Variants in DCC observed in about 807,000 individuals in gnomAD.
The protein encoded by DCC is netrin receptor DCC.
In DCC, 58 loss-of-function variants were observed where a neutral mutation model predicts 172.5. The observed-to-expected ratio is 0.34, with a 90% CI of 0.27 to 0.42. The LOEUF (loss-of-function observed/expected upper bound fraction) is 0.42, where lower values mean the gene tolerates loss of function less well. DCC is among the 10% of genes least tolerant of loss of function. The pLI, the probability that DCC is intolerant of heterozygous loss-of-function variation, is 1.00. For missense variants in DCC, 1,740 were observed against 1,791.0 expected, an observed-to-expected ratio of 0.97 and a Z score of 0.51; for synonymous variants, 709 against 644.5, an observed-to-expected ratio of 1.10 and a Z score of -1.52.
intron 9 of DCC, among the ~76,000 whole-genome samples, chr18:53,185,584 G>C (rs1302663151): frequency 2.6e-5 from 4 of 152,090 alleles, no homozygotes; most frequent in African/African-American, 9.7e-5. Flanking sequence ...TCTCTCTTGT[G>C]AGCCACATCT....
chr18:53,030,524 C>T (rs1266972617), intron 5 of DCC, among the ~76,000 whole-genome samples: 1 of 152,028 alleles, frequency 6.6e-6, no homozygotes, highest in Non-Finnish European at 1.5e-5. Flanking sequence ...ATGTTCACTA[C>T]TAATTTATGA....
chr18:53,262,017 G>A (rs1044830329), intron 12 of DCC, among the ~76,000 whole-genome samples: 1 of 152,148 alleles, frequency 6.6e-6, no homozygotes, highest in African/African-American at 2.4e-5. Flanking sequence ...CAGAAAAGAG[G>A]GGAACAATTG....
chr18:53,120,513 ATTTAAG>A (rs1432963942), intron 7 of DCC, among the ~76,000 whole-genome samples: 1 of 151,850 alleles, frequency 6.6e-6, no homozygotes, highest in Non-Finnish European at 1.5e-5. Flanking sequence ...ACATAATGCA[ATTTAAG>A]TTTATGTTCT....
intron 1 of DCC, among the ~76,000 whole-genome samples, chr18:52,387,456 C>T (rs1598774673): frequency 1.3e-5 from 2 of 152,114 alleles, no homozygotes; most frequent in South Asian, 4.1e-4. Context: ...GCAGCAATCT[C>T]CTTCTGCAAG....
intron 1 of DCC, among the ~76,000 whole-genome samples, chr18:52,602,422 T>TGTGTGTGTGTGTGA (rs944835362): frequency 7.2e-5 from 11 of 151,940 alleles, no homozygotes; most frequent in Middle Eastern, 3.4e-3. Flanking sequence ...TGTGTGTGTG[T>TGTGTGTGTGTGTGA]GATTCAACTT....
chr18:53,531,084 A>G lies in DCC; in HGVS notation c.*431A>G, dbSNP rs868506012. The G allele has an allele frequency of 4.4e-6, 1 of 225,968 alleles. No individual in the cohort carries two copies. 14.0% of individuals were successfully genotyped at this position (225,968 alleles called of 1,614,324 possible). On this transcript the variant is annotated 3_prime_UTR_variant, in exon 29 of 29. Coordinates refer to ENST00000442544, the MANE Select transcript of DCC (RefSeq NM_005215.4). ...CATGGCAAACCAGTGCAAGCTCACTATTTTGTTTTCAACTTAAACATACAA... is the reference window on the plus strand; with the variant it reads ...CATGGCAAACCAGTGCAAGCTCACTGTTTTGTTTTCAACTTAAACATACAA...
chr18:52,773,908 CA>C (rs1250780006), intron 2 of DCC, among the ~76,000 whole-genome samples: 3 of 152,080 alleles, frequency 2.0e-5, no homozygotes, highest in African/African-American at 7.2e-5. Context: ...AAATCAGATA[CA>C]GGGGGAAGAC....
chr18:52,858,247 T>G lies in DCC; in HGVS notation c.413-47797T>G, dbSNP rs923949074. ...AAATGGAGTATTGCTTTCTCAAGCC[T>G]CAAAGAAATTCTTGAAATGGTATTA... On this transcript the variant is annotated intron_variant, in intron 2 of 28. Transcript: ENST00000442544. Among the ~76,000 whole-genome samples, 2 of 152,174 alleles carry G rather than the reference T, an allele frequency of 1.3e-5. 1 individual carries two copies. Among genetic ancestry groups the G allele is most frequent in the African/African-American group, 4.8e-5 (2 of 41,452 alleles).
chr18:53,230,963 C>G (rs1350812053), intron 12 of DCC, among the ~76,000 whole-genome samples: 1 of 150,488 alleles, frequency 6.6e-6, no homozygotes, highest in African/African-American at 2.4e-5. Context: ...TGTAGATTTG[C>G]CTATTATTTT....
intron 1 of DCC, among the ~76,000 whole-genome samples, chr18:52,500,118 T>A (rs2144624869): frequency 6.6e-6 from 1 of 152,126 alleles, no homozygotes; most frequent in Non-Finnish European, 1.5e-5. Flanking sequence ...CACTAGTTTT[T>A]TTTTTTTTGC....
chr18:52,457,603 G>T (rs998097667), intron 1 of DCC, among the ~76,000 whole-genome samples: 1 of 151,976 alleles, frequency 6.6e-6, no homozygotes, highest in Non-Finnish European at 1.5e-5. Flanking sequence ...ACATCCTTAA[G>T]GTATATGTTA....
At chr18:52,576,807 G>A (rs1239360844) in intron 1 of DCC, among the ~76,000 whole-genome samples, 1 of 147,072 alleles carries the variant, frequency 6.8e-6, no homozygotes, top group East Asian at 2.0e-4. Flanking sequence ...TCCATCCTGG[G>A]TGACAGAGCA....
chr18:52,377,626 C>A (rs1328993872), intron 1 of DCC, among the ~76,000 whole-genome samples: 2 of 131,268 alleles, frequency 1.5e-5, no homozygotes, highest in East Asian at 2.3e-4. Context: ...CCCATTGCAA[C>A]AATTATGCAT....
At chr18:53,171,595 G>T (rs1474304119) in intron 8 of DCC, among the ~76,000 whole-genome samples, 1 of 152,098 alleles carries the variant, frequency 6.6e-6, no homozygotes, top group East Asian at 1.9e-4. Flanking sequence ...TCCCCATTAT[G>T]AAATCCAACA....
chr18:52,623,731 T>C (rs1237840577), intron 1 of DCC, among the ~76,000 whole-genome samples: 6 of 152,192 alleles, frequency 3.9e-5, no homozygotes, highest in African/African-American at 1.4e-4. Flanking sequence ...ATTTTCTTTT[T>C]CTATCTCTGC....
intron 5 of DCC, among the ~76,000 whole-genome samples, chr18:53,000,585 C>CTTTT (rs71175543): frequency 4.0e-5 from 4 of 99,014 alleles, no homozygotes; most frequent in Admixed American, 1.1e-4. Flanking sequence ...AGCTTACATT[C>CTTTT]TTTTTTTTTT....
intron 1 of DCC, among the ~76,000 whole-genome samples, chr18:52,483,430 GA>G (rs1469158639): frequency 1.3e-5 from 2 of 151,818 alleles, no homozygotes; most frequent in East Asian, 1.9e-4. Flanking sequence ...CTTTTTTAAT[GA>G]AAAAAATGCA....
At chr18:52,716,237 C>T (rs947952013) in intron 1 of DCC, among the ~76,000 whole-genome samples, 2 of 152,202 alleles carry the variant, frequency 1.3e-5, no homozygotes, top group African/African-American at 2.4e-5. Context: ...TCCTTCTTTG[C>T]GTGTGGAACA....
At chr18:53,122,363 A>T (rs1292441586) in intron 7 of DCC, among the ~76,000 whole-genome samples, 1 of 152,014 alleles carries the variant, frequency 6.6e-6, no homozygotes, top group African/African-American at 2.4e-5. Context: ...TCTGATAGCA[A>T]TGTAAGCAAA....
Sources: allele counts gnomAD v4.1 joint callset (sites outside exome capture counted in the v4.1 genomes callset), GRCh38; gene constraint gnomAD v4.1.1; transcripts MANE v1.5; gene names NCBI Gene and HGNC (gene_info 2026-07-23, HGNC 2026-07-21).